Variants in CERS6 observed in about 807,000 individuals in gnomAD.
CERS6 encodes the protein LAG1 homolog, ceramide synthase 6.
In CERS6, 26 loss-of-function variants were observed where a neutral mutation model predicts 56.8. The ratio of observed to expected loss-of-function variants is 0.46; its 90% confidence interval spans 0.34 to 0.63. The LOEUF is 0.63. Ranked by LOEUF, CERS6 falls within the 30% of genes least tolerant of loss-of-function variation. CERS6 has a pLI of 0.01. For synonymous variants in CERS6, 164 were observed against 173.3 expected, an observed-to-expected ratio of 0.95 and a Z score of 0.42; for missense variants, 415 against 467.5, an observed-to-expected ratio of 0.89 and a Z score of 1.04.
At chr2:168,557,250 A>C (rs1239563492) in intron 2 of CERS6, among the ~76,000 whole-genome samples, 1 of 152,196 alleles carries the variant, frequency 6.6e-6, no homozygotes, top group Non-Finnish European at 1.5e-5. Flanking sequence ...GAATAAACAT[A>C]GCAAGGTATG....
chr2:168,619,395 G>A (rs562413385), intron 3 of CERS6, among the ~76,000 whole-genome samples: 1 of 152,176 alleles, frequency 6.6e-6, no homozygotes, highest in African/African-American at 2.4e-5. Flanking sequence ...CATGGCAAAA[G>A]GAAGTCAGCA....
rs961711541 is a variant in CERS6 at position 168,771,096 on chromosome 2, A to G, written c.*1434A>G. On this transcript the variant is annotated 3_prime_UTR_variant, in exon 10 of 10. Coordinates refer to ENST00000305747, the MANE Select transcript of CERS6 (RefSeq NM_203463.3). ...AAACCCTTCATAAATCAAGAAGGCC[A>G]TCACTTAGAACGAACCCCAAACAAA... 2 of 152,218 alleles carry G rather than the reference A, an allele frequency of 1.3e-5. No individual in the cohort carries two copies. The highest frequency in any genetic ancestry group is 2.9e-5 in the Non-Finnish European group (2 of 68,028). The allele number at this position is 152,218 out of a possible 1,614,324, so 9.4% of individuals were successfully genotyped here. A position where few individuals can be genotyped will look rare whatever the true frequency, so the allele number is the denominator to read the frequency against.
intron 1 of CERS6, among the ~76,000 whole-genome samples, chr2:168,520,597 CCTTTT>C (rs1694959044): frequency 9.0e-6 from 1 of 110,942 alleles, no homozygotes; most frequent in Non-Finnish European, 1.8e-5. Flanking sequence ...TTTACAATAT[CCTTTT>C]TTTTTTTTTT....
intron 4 of CERS6, among the ~76,000 whole-genome samples, chr2:168,653,679 C>A (rs760665147): frequency 1.3e-5 from 2 of 152,166 alleles, no homozygotes; most frequent in Non-Finnish European, 2.9e-5. Flanking sequence ...TATTGCTAAT[C>A]TAGGACATCT....
chr2:168,765,467 C>A, intron 8 of CERS6, 125 bp from the exon 9 acceptor site: 1 of 904,932 alleles, frequency 1.1e-6, no homozygotes, highest in Non-Finnish European at 1.6e-6. Context: ...AGCTTTCACA[C>A]CATCCTGCCA....
At chr2:168,574,405 T>C (rs1361187432) in intron 3 of CERS6, among the ~76,000 whole-genome samples, 1 of 81,788 alleles carries the variant, frequency 1.2e-5, no homozygotes, top group Non-Finnish European at 3.0e-5. Context: ...TGTGTGTGTG[T>C]GTGTGTGTGT....
intron 3 of CERS6, among the ~76,000 whole-genome samples, chr2:168,585,878 T>A (rs1426417695): frequency 6.6e-6 from 1 of 152,190 alleles, no homozygotes; most frequent in Non-Finnish European, 1.5e-5. Context: ...CCTGATTTCT[T>A]TAAGTTCAAA....
chr2:168,716,040 T>TTGAAATA (rs1204273595), intron 7 of CERS6, among the ~76,000 whole-genome samples: 2 of 152,218 alleles, frequency 1.3e-5, no homozygotes, highest in East Asian at 3.9e-4. Flanking sequence ...TGACCTGTTA[T>TTGAAATA]TGCAATATAA....
intron 1 of CERS6, among the ~76,000 whole-genome samples, chr2:168,517,158 C>T (rs993273151): frequency 2.6e-5 from 4 of 151,626 alleles, no homozygotes; most frequent in Non-Finnish European, 1.5e-5. Flanking sequence ...GAAGGTTACT[C>T]TTAGGAGGAT....
chr2:168,488,132 A>G (rs1694307741), intron 1 of CERS6, among the ~76,000 whole-genome samples: 1 of 151,886 alleles, frequency 6.6e-6, no homozygotes, highest in Admixed American at 6.6e-5. Flanking sequence ...TATTTGCTAT[A>G]TTTTGCTTTT....
intron 1 of CERS6, among the ~76,000 whole-genome samples, chr2:168,503,803 C>A (rs538348835): frequency 6.6e-6 from 1 of 152,080 alleles, no homozygotes; most frequent in South Asian, 2.1e-4. Flanking sequence ...TTTTGGGGTC[C>A]AAATAAGGGA....
chr2:168,488,424 A>G (rs1372007864), intron 1 of CERS6, among the ~76,000 whole-genome samples: 1 of 152,142 alleles, frequency 6.6e-6, no homozygotes, highest in Non-Finnish European at 1.5e-5. Context: ...TAGTTTCTTC[A>G]TCCTTTACTT....
At chr2:168,707,716 C>T (rs1016936444) in intron 6 of CERS6, among the ~76,000 whole-genome samples, 17 of 152,228 alleles carry the variant, frequency 1.1e-4, no homozygotes, top group African/African-American at 3.9e-4. Context: ...TTATGATTCT[C>T]CTCAAATTGC....
intron 1 of CERS6, among the ~76,000 whole-genome samples, chr2:168,545,935 A>C (rs779436871): frequency 7.9e-4 from 121 of 152,350 alleles, no homozygotes; most frequent in Middle Eastern, 3.4e-3. Context: ...CCAACTGGAA[A>C]GACTAGAAAG....
At chr2:168,517,585 A>G (rs1694906813) in intron 1 of CERS6, among the ~76,000 whole-genome samples, 1 of 152,022 alleles carries the variant, frequency 6.6e-6, no homozygotes, top group Non-Finnish European at 1.5e-5. Context: ...TTGTGGAACT[A>G]AAGCTGTCTC....
chr2:168,543,250 G>A lies in CERS6; in HGVS notation c.171-4346G>A, dbSNP rs77248493. On this transcript the variant is annotated intron_variant, in intron 1 of 9. Transcript: ENST00000305747. ...TATAGATGTTTGATCTTTTGAAGGT[G>A]GTGTTGCCGCCTTTGATTAAAAAAG... Among the ~76,000 whole-genome samples, 1,372 of 152,192 alleles carry A rather than the reference G, an allele frequency of 9.0e-3. 12 individuals carry two copies. Among genetic ancestry groups the A allele is most frequent in the African/African-American group, 0.02 (826 of 41,518 alleles).
intron 3 of CERS6, among the ~76,000 whole-genome samples, chr2:168,578,014 G>C (rs968211920): frequency 6.6e-6 from 1 of 152,152 alleles, no homozygotes; most frequent in Non-Finnish European, 1.5e-5. Context: ...AAGCCCAGGA[G>C]TGGGGTGGAA....
At chr2:168,768,759 A>C (rs1274773817) in intron 9 of CERS6, among the ~76,000 whole-genome samples, 1 of 151,916 alleles carries the variant, frequency 6.6e-6, no homozygotes, top group African/African-American at 2.4e-5. Flanking sequence ...TACAAAAATT[A>C]GCTGGGCATG....
intron 1 of CERS6, among the ~76,000 whole-genome samples, chr2:168,546,729 T>G (rs566101823): frequency 6.6e-6 from 1 of 152,354 alleles, no homozygotes; most frequent in African/African-American, 2.4e-5. Context: ...GTAGAAAATA[T>G]TAAATGTTAC....
Sources: gnomAD v4.1 joint callset for allele counts (sites outside exome capture counted in the v4.1 genomes callset) on GRCh38, gnomAD v4.1.1 for gene constraint, MANE v1.5 for transcripts, NCBI Gene and HGNC (gene_info 2026-07-23, HGNC 2026-07-21) for gene names.